Variants in EPHA6 observed in about 807,000 individuals in gnomAD.
The protein encoded by EPHA6 is ephrin type-A receptor 6.
A neutral mutation model predicts 112.0 loss-of-function variants in EPHA6; 50 were observed. That is an observed-to-expected ratio of 0.45 (90% CI 0.36 to 0.56). The LOEUF is 0.56. Among genes scored for constraint, EPHA6 ranks in the 20% least tolerant of loss-of-function variants. EPHA6 has a pLI of 0.00. For missense variants in EPHA6, 1,280 were observed against 1,417.4 expected, an observed-to-expected ratio of 0.90 and a Z score of 1.56; for synonymous variants, 529 against 490.7, an observed-to-expected ratio of 1.08 and a Z score of -1.03.
At chr3:97,597,403 A>T (rs1453929786) in intron 12 of EPHA6, among the ~76,000 whole-genome samples, 1 of 152,218 alleles carries the variant, frequency 6.6e-6, no homozygotes, top group Non-Finnish European at 1.5e-5. Flanking sequence ...ATGGGTATTC[A>T]AAAACTATAT....
chr3:97,733,248 A>G (rs1400052047), intron 15 of EPHA6, among the ~76,000 whole-genome samples: 1 of 152,094 alleles, frequency 6.6e-6, no homozygotes, highest in East Asian at 1.9e-4. Flanking sequence ...GGCAGAAGCC[A>G]CAAGTCTTAC....
At chr3:97,718,366 T>A (rs1219778841) in intron 14 of EPHA6, among the ~76,000 whole-genome samples, 1 of 152,200 alleles carries the variant, frequency 6.6e-6, no homozygotes, top group Non-Finnish European at 1.5e-5. Context: ...ATTTCTGAAT[T>A]TTTTTAGTGC....
At chr3:97,140,588 A>G (rs1576558479) in intron 3 of EPHA6, among the ~76,000 whole-genome samples, 2 of 152,200 alleles carry the variant, frequency 1.3e-5, no homozygotes, top group South Asian at 2.1e-4. Flanking sequence ...AATGAGCTTC[A>G]TAAATGGAAG....
At chr3:97,447,358 G>A (rs1270690277) in intron 6 of EPHA6, among the ~76,000 whole-genome samples, 2 of 151,988 alleles carry the variant, frequency 1.3e-5, no homozygotes, top group Non-Finnish European at 2.9e-5. Context: ...AATTTTGATG[G>A]GAATATTATA....
Position 97,607,819 on chromosome 3 carries a change from CT to C in EPHA6, c.2513-2972del, listed in dbSNP as rs371197401. On this transcript the variant is annotated intron_variant, in intron 12 of 17. Transcript: ENST00000389672. Reference sequence around the variant, plus strand: ...AAATTTAGAAAGAGATAATAAATTACTTCCCAATATATCTTCCAAGAGCAAT... The same window carrying C: ...AAATTTAGAAAGAGATAATAAATTACTCCCAATATATCTTCCAAGAGCAAT... Among the ~76,000 whole-genome samples, 6 of 151,272 alleles carry C rather than the reference CT, an allele frequency of 4.0e-5. No individual in the cohort carries two copies. The South Asian group carries it at 1.2e-3, about 31-fold the overall frequency.
At chr3:97,265,379 C>T (rs1003363386) in intron 5 of EPHA6, among the ~76,000 whole-genome samples, 3 of 152,168 alleles carry the variant, frequency 2.0e-5, no homozygotes, top group Admixed American at 2.0e-4. Context: ...CCCCCAACAT[C>T]GGCTTCTCTC....
At chr3:97,363,214 ATATATATATATATATATATATAT>A (rs2108944360) in intron 5 of EPHA6, among the ~76,000 whole-genome samples, 4 of 74,854 alleles carry the variant, frequency 5.3e-5, no homozygotes, top group Middle Eastern at 5.2e-3. Context: ...ATATATATAT[ATATATATATATATATATATATAT>A]AAATCTCAGA....
chr3:97,053,999 T>C (rs1559697084), intron 3 of EPHA6, among the ~76,000 whole-genome samples: 1 of 152,068 alleles, frequency 6.6e-6, no homozygotes. Context: ...CAGGGTTCTT[T>C]CTGTTATAAC....
intron 11 of EPHA6, among the ~76,000 whole-genome samples, chr3:97,554,440 A>G (rs913206219): frequency 6.6e-6 from 1 of 152,062 alleles, no homozygotes; most frequent in Non-Finnish European, 1.5e-5. Context: ...TTTAACAGCT[A>G]TTTCTTTTAG....
chr3:96,822,899 A>T (rs933647630), intron 1 of EPHA6, among the ~76,000 whole-genome samples: 2 of 151,474 alleles, frequency 1.3e-5, no homozygotes, highest in Non-Finnish European at 3.0e-5. Context: ...GTTAAAAAAG[A>T]TCCATAACTT....
At chr3:97,494,222 A>T (rs1230102540) in intron 10 of EPHA6, among the ~76,000 whole-genome samples, 1 of 152,170 alleles carries the variant, frequency 6.6e-6, no homozygotes, top group African/African-American at 2.4e-5. Flanking sequence ...AAAGTACCTT[A>T]ATTTTATCCG....
At chr3:97,135,064 A>C (rs1464703475) in intron 3 of EPHA6, among the ~76,000 whole-genome samples, 1 of 152,156 alleles carries the variant, frequency 6.6e-6, no homozygotes, top group Non-Finnish European at 1.5e-5. Flanking sequence ...CAGAATAATC[A>C]GTATACCAAA....
chr3:97,722,123 A>G (rs1423312878), intron 15 of EPHA6, among the ~76,000 whole-genome samples: 1 of 152,170 alleles, frequency 6.6e-6, no homozygotes, highest in Non-Finnish European at 1.5e-5. Context: ...TTGGTATTCT[A>G]TTTGGTTCTT....
At chr3:97,029,164 A>T (rs1378474589) in intron 3 of EPHA6, among the ~76,000 whole-genome samples, 1 of 151,936 alleles carries the variant, frequency 6.6e-6, no homozygotes, top group East Asian at 1.9e-4. Context: ...AAGTTAGTAA[A>T]TATTATTTTC....
At chr3:97,071,325 G>C (rs552363914) in intron 3 of EPHA6, among the ~76,000 whole-genome samples, 2 of 152,140 alleles carry the variant, frequency 1.3e-5, no homozygotes, top group Non-Finnish European at 2.9e-5. Flanking sequence ...TTACCATAAA[G>C]ATGTTGAAGT....
At chr3:97,067,135 A>T (rs930600361) in intron 3 of EPHA6, among the ~76,000 whole-genome samples, 1 of 152,118 alleles carries the variant, frequency 6.6e-6, no homozygotes, top group African/African-American at 2.4e-5. Flanking sequence ...AATAATGGTA[A>T]ATTTCCAAAG....
chr3:96,823,948 C>A (rs141413226), intron 1 of EPHA6, among the ~76,000 whole-genome samples: 2,027 of 151,664 alleles, frequency 0.013, 45 homozygotes, highest in African/African-American at 0.044. Flanking sequence ...TTAGCATACT[C>A]CAATTTTATT....
At chr3:97,550,057 G>T (rs535120049) in intron 11 of EPHA6, among the ~76,000 whole-genome samples, 2 of 152,272 alleles carry the variant, frequency 1.3e-5, no homozygotes, top group South Asian at 4.1e-4. Context: ...CTCCAGTATG[G>T]ATGAAACCTC....
intron 2 of EPHA6, among the ~76,000 whole-genome samples, chr3:96,958,577 T>C (rs2041847985): frequency 6.6e-6 from 1 of 152,198 alleles, no homozygotes; most frequent in Non-Finnish European, 1.5e-5. Context: ...GGTGTTCTTA[T>C]TGTTAGAGCT....
Sources: gnomAD v4.1 joint callset for allele counts (sites outside exome capture counted in the v4.1 genomes callset) on GRCh38, gnomAD v4.1.1 for gene constraint, MANE v1.5 for transcripts, NCBI Gene and HGNC (gene_info 2026-07-23, HGNC 2026-07-21) for gene names.